The following GXYLT1 variants were observed in gnomAD, a reference collection of about 807,000 sequenced individuals.
GXYLT1 encodes glycosyltransferase 8 domain containing 3.
In GXYLT1, 29 loss-of-function variants were observed where a neutral mutation model predicts 54.0. The observed-to-expected ratio is 0.54, with a 90% CI of 0.40 to 0.73. The LOEUF (loss-of-function observed/expected upper bound fraction) is 0.73. GXYLT1 is among the 30% of genes least tolerant of loss of function. The pLI is 0.00. For missense variants in GXYLT1, 490 were observed against 553.4 expected (o/e 0.89, Z 1.15); for synonymous variants, 176 against 204.1 (o/e 0.86, Z 1.17).
chr12:42,138,695 A>G (rs943234857), intron 1 of GXYLT1, among the ~76,000 whole-genome samples: 1 of 152,184 alleles, frequency 6.6e-6, no homozygotes, highest in African/African-American at 2.4e-5. Context: ...AAGTACTTCC[A>G]ATAGGTATGG....
At chr12:42,144,325 G>A (rs2136926207) in intron 1 of GXYLT1, 101 bp downstream of exon 1, 1 of 693,750 alleles carries the variant, frequency 1.4e-6, no homozygotes, top group Non-Finnish European at 2.1e-6. Flanking sequence ...GAGGAAAGAC[G>A]CGGGAGACGC....
At chr12:42,115,082 G>A (rs1008773762) in intron 3 of GXYLT1, among the ~76,000 whole-genome samples, 2 of 152,000 alleles carry the variant, frequency 1.3e-5, no homozygotes, top group African/African-American at 4.8e-5. Context: ...ATTCAACAAC[G>A]CTTCATGCTA....
chr12:42,088,711 A>AGTATTTTCAACTAGGT (rs1214686769), intron 7 of GXYLT1, among the ~76,000 whole-genome samples: 1 of 152,188 alleles, frequency 6.6e-6, no homozygotes, highest in African/African-American at 2.4e-5. Context: ...TTTGTGATTT[A>AGTATTTTCAACTAGGT]GTATTTTCAA....
intron 2 of GXYLT1, among the ~76,000 whole-genome samples, chr12:42,127,406 T>A (rs901829131): frequency 2.6e-5 from 4 of 152,182 alleles, no homozygotes; most frequent in African/African-American, 9.7e-5. Flanking sequence ...GGGTAGAAAG[T>A]ATAACAGAGG....
intron 4 of GXYLT1, among the ~76,000 whole-genome samples, chr12:42,108,909 T>C (rs1213832537): frequency 6.6e-6 from 1 of 152,160 alleles, no homozygotes; most frequent in Non-Finnish European, 1.5e-5. Context: ...AATATCATAA[T>C]GGTCTAAACA....
At chr12:42,128,439 A>AGGAGGCAG (rs2065575589) in intron 2 of GXYLT1, among the ~76,000 whole-genome samples, 1 of 152,196 alleles carries the variant, frequency 6.6e-6, no homozygotes, top group African/African-American at 2.4e-5. Flanking sequence ...TTCCTATCTC[A>AGGAGGCAG]AACACTTCAC....
intron 3 of GXYLT1, 108 bp from the exon 4 acceptor site, chr12:42,109,799 A>C: frequency 1.6e-6 from 1 of 630,552 alleles, no homozygotes; most frequent in Non-Finnish European, 2.6e-6. Flanking sequence ...GATAATATAC[A>C]TTTTATGCTG....
intron 3 of GXYLT1, among the ~76,000 whole-genome samples, chr12:42,110,649 G>C (rs766383103): frequency 6.6e-6 from 1 of 152,102 alleles, no homozygotes; most frequent in African/African-American, 2.4e-5. Flanking sequence ...TCCCAGGCTT[G>C]GGTGATCCTC....
chr12:42,130,220 G>C (rs2065586555), intron 1 of GXYLT1, among the ~76,000 whole-genome samples: 1 of 152,100 alleles, frequency 6.6e-6, no homozygotes. Context: ...CAAAATATTT[G>C]CTTATCCTCA....
At chr12:42,126,096 C>CTTTTT (rs2065560151) in intron 2 of GXYLT1, among the ~76,000 whole-genome samples, 1 of 142,864 alleles carries the variant, frequency 7.0e-6, no homozygotes, top group Non-Finnish European at 1.5e-5. Context: ...TTTTTTGAGA[C>CTTTTT]AGAGTCTCAC....
intron 3 of GXYLT1, among the ~76,000 whole-genome samples, chr12:42,112,893 T>G (rs1280594592): frequency 6.6e-6 from 1 of 151,194 alleles, no homozygotes; most frequent in Non-Finnish European, 1.5e-5. Flanking sequence ...AAGGTCGGGT[T>G]ACCCTCAAAG....
chr12:42,101,870 C>G (rs1411786392), intron 5 of GXYLT1, among the ~76,000 whole-genome samples: 1 of 152,080 alleles, frequency 6.6e-6, no homozygotes, highest in Non-Finnish European at 1.5e-5. Flanking sequence ...CTGCACCCAG[C>G]CTCAAAATGC....
At chr12:42,112,899 C>G (rs563651790) in intron 3 of GXYLT1, among the ~76,000 whole-genome samples, 1 of 151,286 alleles carries the variant, frequency 6.6e-6, no homozygotes, top group South Asian at 2.1e-4. Context: ...GGGTTACCCT[C>G]AAAGGGAAGC....
rs569207140 is a variant in GXYLT1, at chr12:42,122,036, A to G, written c.315-2865T>C. ...AGTCATTCAAATAATGTTGGCCCCA[A>G]TTGAATGGCGGAATCTTGCCAGGGT... On this transcript the variant is annotated intron_variant, in intron 2 of 7. Coordinates refer to ENST00000398675, the MANE Select transcript of GXYLT1 (RefSeq NM_173601.2). Among the ~76,000 whole-genome samples the G allele has an allele frequency of 3.6e-4, 55 of 152,340 alleles. 1 individual carries two copies. In the Middle Eastern group the frequency reaches 0.014, roughly 38 times the overall value.
At chr12:42,136,862 C>T (rs2065622735) in intron 1 of GXYLT1, among the ~76,000 whole-genome samples, 1 of 152,110 alleles carries the variant, frequency 6.6e-6, no homozygotes, top group Non-Finnish European at 1.5e-5. Flanking sequence ...CAGCCTCAAC[C>T]TCCTGGGCTC....
intron 1 of GXYLT1, among the ~76,000 whole-genome samples, chr12:42,141,202 T>C (rs890757680): frequency 1.3e-5 from 2 of 152,200 alleles, no homozygotes; most frequent in African/African-American, 2.4e-5. Flanking sequence ...GCAAGTCCAA[T>C]GACAGCCTTT....
chr12:42,120,825 C>T (rs372268793), intron 2 of GXYLT1, among the ~76,000 whole-genome samples: 7 of 152,146 alleles, frequency 4.6e-5, no homozygotes, highest in African/African-American at 1.4e-4. Context: ...CATGAGCCAG[C>T]GCACCTGGCC....
chr12:42,118,580 G>A (rs1196093710), intron 3 of GXYLT1, among the ~76,000 whole-genome samples: 2 of 152,216 alleles, frequency 1.3e-5, no homozygotes, highest in Non-Finnish European at 2.9e-5. Flanking sequence ...CAACTGATAT[G>A]GTTTGGCTCT....
rs372662423 is a variant in GXYLT1, at chr12:42,105,195, T to C, written c.864+623A>G. Reference sequence around the variant, plus strand: ...CATGAAACTGGTAAATATTAGTACATACTGATGAAGTCTAAATGCACATTC... The same window carrying C: ...CATGAAACTGGTAAATATTAGTACACACTGATGAAGTCTAAATGCACATTC... On this transcript the variant is annotated intron_variant, in intron 5 of 7. Transcript: ENST00000398675. 2.0e-4 allele frequency among the ~76,000 whole-genome samples: 31 copies of C among 152,334 alleles called. No homozygotes were observed. The East Asian group carries it at 2.1e-3, about 10-fold the overall frequency.
Sources: allele counts gnomAD v4.1 joint callset (sites outside exome capture counted in the v4.1 genomes callset), GRCh38; gene constraint gnomAD v4.1.1; transcripts MANE v1.5; gene names NCBI Gene and HGNC (gene_info 2026-07-23, HGNC 2026-07-21).